TRAK1: variants seen among roughly 807,000 people sequenced by gnomAD.
TRAK1 encodes the protein trafficking kinesin-binding protein 1.
A neutral mutation model predicts 92.1 loss-of-function variants in TRAK1; 33 were observed. The observed-to-expected ratio is 0.36, with a 90% confidence interval of 0.27 to 0.48. TRAK1 has a LOEUF of 0.48. Ranked by LOEUF, TRAK1 falls within the 20% of genes least tolerant of loss-of-function variation. The probability of loss-of-function intolerance (pLI) is 0.99; values close to 1 mark genes in which losing one functional copy is unlikely to be tolerated. For missense variants in TRAK1, 1,123 were observed against 1,257.9 expected, an observed-to-expected ratio of 0.89 and a Z score of 1.62; for synonymous variants, 521 against 517.3, an observed-to-expected ratio of 1.01 and a Z score of -0.10.
intron 1 of TRAK1, among the ~76,000 whole-genome samples, chr3:42,080,668 A>G (rs986428795): frequency 5.3e-5 from 8 of 152,122 alleles, no homozygotes; most frequent in Admixed American, 4.6e-4. Context: ...GCCTGTTTAC[A>G]TTAGAGTGAA....
intron 1 of TRAK1, among the ~76,000 whole-genome samples, chr3:42,117,508 A>G (rs1444825066): frequency 6.6e-6 from 1 of 150,510 alleles, no homozygotes; most frequent in Admixed American, 6.6e-5. Context: ...CCTGTCTTTT[A>G]TTCTTCCCTC....
intron 15 of TRAK1, among the ~76,000 whole-genome samples, chr3:42,219,895 A>G (rs949219271): frequency 7.0e-6 from 1 of 143,846 alleles, no homozygotes; most frequent in Non-Finnish European, 1.5e-5. Context: ...TCCTGGGTTC[A>G]AGCCCATCTT....
chr3:42,188,917 T>C, intron 5 of TRAK1, 99 bp from the exon 6 acceptor site: 2 of 829,976 alleles, frequency 2.4e-6, no homozygotes, highest in Non-Finnish European at 4.0e-6. Context: ...TGGTGGGTCA[T>C]TGTCCTTCCT....
intron 1 of TRAK1, among the ~76,000 whole-genome samples, chr3:42,109,901 G>A (rs905926831): frequency 1.3e-5 from 2 of 151,370 alleles, no homozygotes; most frequent in Non-Finnish European, 2.9e-5. Context: ...GAATTGAACT[G>A]TGAGAACACT....
At chr3:42,153,025 A>G (rs1700119906) in intron 2 of TRAK1, among the ~76,000 whole-genome samples, 1 of 152,234 alleles carries the variant, frequency 6.6e-6, no homozygotes, top group South Asian at 2.1e-4. Flanking sequence ...TTTGTAAGCG[A>G]CGAAGAGCCA....
Position 42,020,616 on chromosome 3 carries a change from A to G in TRAK1, c.-519+6499A>G, listed in dbSNP as rs184327150. 1.5e-4 allele frequency among the ~76,000 whole-genome samples: 23 copies of G among 152,320 alleles called. No homozygotes were observed. In the East Asian group the frequency reaches 3.5e-3, roughly 23 times the overall value. On this transcript the variant is annotated intron_variant, in intron 1 of 16. Transcript: ENST00000487159. ...GATAAAGCTGCTATGAACTAAGTGT[A>G]TAAGTACTCATTTCTATCGGGTATA...
chr3:42,223,356 C>A lies in TRAK1; in HGVS notation c.2481C>A (p.Val827=). ...SILREVREKN[V]RSSESQTDVS... ...TGAGGGAAGTGAGAGAAAAGAACGT[C>A]CGCAGCAGCGAGAGCCAGACCGACG... Residue 827 remains valine, a synonymous_variant, in exon 16 of 16, where the codon GTC becomes GTA. Coordinates refer to ENST00000327628, the MANE Select transcript of TRAK1 (RefSeq NM_001042646.3). This position sits in a 1 kb window ranked among gnomAD's most constrained non-coding sequence, Gnocchi z 6.1. 1 of 1,614,224 alleles carries A rather than the reference C, an allele frequency of 6.2e-7. No individual in the cohort carries two copies. Among genetic ancestry groups the A allele is most frequent in the Non-Finnish European group, 8.5e-7 (1 of 1,180,052 alleles).
At chr3:42,210,210 A>T (rs978656173) in intron 14 of TRAK1, 4 of 1,549,586 alleles carry the variant, frequency 2.6e-6, no homozygotes, top group Non-Finnish European at 3.5e-6. Context: ...TCCAGGCACC[A>T]TCCGTAGTGG....
chr3:42,199,955 T>C (rs1707286637), intron 11 of TRAK1, among the ~76,000 whole-genome samples: 1 of 152,108 alleles, frequency 6.6e-6, no homozygotes, highest in South Asian at 2.1e-4. Flanking sequence ...TTCAGAGGGG[T>C]CTTCAAAGAT....
intron 1 of TRAK1, among the ~76,000 whole-genome samples, chr3:42,072,093 G>A (rs1363916363): frequency 6.6e-6 from 1 of 152,224 alleles, no homozygotes; most frequent in Non-Finnish European, 1.5e-5. Flanking sequence ...CCAGCTGCCT[G>A]TCAGGCTGGC....
rs397815368 is a variant in TRAK1, at chr3:42,070,250, T to TAA, written c.-518-16854_-518-16853insAA. Among the ~76,000 whole-genome samples, 374 of 145,256 alleles carry TAA rather than the reference T, an allele frequency of 2.6e-3. 1 individual carries two copies. Among genetic ancestry groups the TAA allele is most frequent in the African/African-American group, 8.3e-3 (325 of 39,248 alleles). On this transcript the variant is annotated intron_variant, in intron 1 of 16. Coordinates refer to the TRAK1 transcript ENST00000487159. ...TTATAATAATTATGAATAATAATAATTATTATAATTATAATAATTATGAAT... is the reference window on the plus strand; with the variant it reads ...TTATAATAATTATGAATAATAATAATAATATTATAATTATAATAATTATGAAT...
chr3:42,042,309 A>G (rs146227440), intron 1 of TRAK1, among the ~76,000 whole-genome samples: 16 of 144,808 alleles, frequency 1.1e-4, no homozygotes, highest in Middle Eastern at 3.6e-3. Flanking sequence ...TGAGATGGTC[A>G]TATATGTTGT....
At chr3:42,201,172 G>C in intron 12 of TRAK1, 118 bp downstream of exon 12, 1 of 1,139,712 alleles carries the variant, frequency 8.8e-7, no homozygotes, top group Admixed American at 2.0e-5. Flanking sequence ...GAAAAATACA[G>C]ACCTGGCCGG....
rs1193691138 is a variant in TRAK1, at chr3:42,055,701, C to T, written c.-518-31403C>T. On this transcript the variant is annotated intron_variant, in intron 1 of 16. Coordinates refer to the TRAK1 transcript ENST00000487159. Reference sequence around the variant, plus strand: ...CTGGTCTTGAACTCCTGGCTTCAAGCGATCCTCCTTCCTCGCCTGCCAAAG... The same window carrying T: ...CTGGTCTTGAACTCCTGGCTTCAAGTGATCCTCCTTCCTCGCCTGCCAAAG... Among the ~76,000 whole-genome samples, 18 of 152,218 alleles carry T rather than the reference C, an allele frequency of 1.2e-4. No homozygotes were observed. In the East Asian group the frequency reaches 1.7e-3, roughly 15 times the overall value.
chr3:42,143,267 G>A (rs1244261512), intron 2 of TRAK1, among the ~76,000 whole-genome samples: 2 of 147,384 alleles, frequency 1.4e-5, no homozygotes, highest in African/African-American at 5.0e-5. Context: ...TTCTCTGTGA[G>A]GTGCTAACTT....
At chr3:42,122,266 C>T (rs374195454) in intron 1 of TRAK1, among the ~76,000 whole-genome samples, 2 of 152,002 alleles carry the variant, frequency 1.3e-5, no homozygotes, top group Admixed American at 6.6e-5. Flanking sequence ...CATGGAAGGA[C>T]GGGTCAAGTC....
intron 2 of TRAK1, among the ~76,000 whole-genome samples, chr3:42,158,515 A>G (rs2149288947): frequency 6.6e-6 from 1 of 152,072 alleles, no homozygotes; most frequent in East Asian, 1.9e-4. Context: ...TTTATATTTA[A>G]AGCTTATGCA....
chr3:42,195,626 C>T (rs982592772), intron 10 of TRAK1, among the ~76,000 whole-genome samples: 2 of 152,058 alleles, frequency 1.3e-5, no homozygotes, highest in African/African-American at 4.8e-5. Flanking sequence ...GTCTGGCCCA[C>T]CTTCCCTAAA....
intron 2 of TRAK1, among the ~76,000 whole-genome samples, chr3:42,154,507 T>G (rs1223754353): frequency 2.0e-5 from 3 of 150,438 alleles, no homozygotes; most frequent in Non-Finnish European, 3.0e-5. Flanking sequence ...AGGCAAGGTC[T>G]TCTTCTTGTC....
Sources: gnomAD v4.1 joint callset for allele counts (sites outside exome capture counted in the v4.1 genomes callset) on GRCh38, gnomAD v4.1.1 for gene constraint, Gnocchi (gnomAD v3.1) non-coding constraint, MANE v1.5 for transcripts, NCBI Gene and HGNC (gene_info 2026-07-23, HGNC 2026-07-21) for gene names.